The following REDIC1 variants were observed in gnomAD, a reference collection of about 807,000 sequenced individuals.
The protein encoded by REDIC1 is regulator of DNA class I crossover intermediates 1.
chr12:39,695,308 A>G, the REDIC1 span, among the ~76,000 whole-genome samples: 1 of 152,184 alleles, frequency 6.6e-6, no homozygotes, highest in East Asian at 1.9e-4. Flanking sequence ...GGGGTCCCCA[A>G]TTCCAGGACT....
chr12:39,683,306 G>A, the REDIC1 span: 6 of 1,094,590 alleles, frequency 5.5e-6, no homozygotes, highest in East Asian at 1.0e-4. Flanking sequence ...ATATAACATT[G>A]TGGACCAGTG....
At chr12:39,670,413 A>G in the REDIC1 span, among the ~76,000 whole-genome samples, 106 of 151,892 alleles carry the variant, frequency 7.0e-4, no homozygotes, top group Middle Eastern at 3.4e-3. Flanking sequence ...CTGGTCTTGA[A>G]CTCCTGACCT....
At chr12:39,864,435 G>A in the REDIC1 span, among the ~76,000 whole-genome samples, 2 of 152,172 alleles carry the variant, frequency 1.3e-5, no homozygotes, top group Non-Finnish European at 2.9e-5. Flanking sequence ...GAACACAGAG[G>A]TGACTGAATT....
chr12:39,693,522 C>T, the REDIC1 span, among the ~76,000 whole-genome samples: 1 of 151,462 alleles, frequency 6.6e-6, no homozygotes, highest in African/African-American at 2.4e-5. Context: ...TAGTTTCCAG[C>T]CTTTCTCATT....
At chr12:39,782,700 C>G in the REDIC1 span, among the ~76,000 whole-genome samples, 14 of 151,990 alleles carry the variant, frequency 9.2e-5, no homozygotes, top group Middle Eastern at 3.4e-3. Flanking sequence ...TTGGAGGGAT[C>G]AAAAGAAGAC....
chr12:39,811,808 C>T, the REDIC1 span, among the ~76,000 whole-genome samples: 1 of 152,096 alleles, frequency 6.6e-6, no homozygotes, highest in Non-Finnish European at 1.5e-5. Context: ...AGTGTTAGTA[C>T]AGTATGTCTG....
At chr12:39,626,348 C>T in the REDIC1 span, 7 of 1,614,046 alleles carry the variant, frequency 4.3e-6, no homozygotes, top group East Asian at 2.2e-5. Flanking sequence ...TGAATTGGGT[C>T]GGGGGGTCCC....
chr12:39,711,346 TA>T, the REDIC1 span, among the ~76,000 whole-genome samples: 1 of 147,740 alleles, frequency 6.8e-6, no homozygotes, highest in African/African-American at 2.5e-5. Flanking sequence ...TATATACATC[TA>T]TATGTATATA....
chr12:39,682,514 A>G, the REDIC1 span: 6 of 759,700 alleles, frequency 7.9e-6, no homozygotes, highest in South Asian at 1.4e-4. Flanking sequence ...AAATGTTAGT[A>G]GCAACTCAAT....
chr12:39,711,724 CATGCATGTGT>C, the REDIC1 span, among the ~76,000 whole-genome samples: 1 of 107,978 alleles, frequency 9.3e-6, no homozygotes, highest in Non-Finnish European at 1.9e-5. Flanking sequence ...TGTGTATGCA[CATGCATGTGT>C]GTATGTGTGT....
the REDIC1 span, among the ~76,000 whole-genome samples, chr12:39,792,583 C>T: frequency 6.6e-6 from 1 of 152,126 alleles, no homozygotes; most frequent in Non-Finnish European, 1.5e-5. Flanking sequence ...GGTGTGTATA[C>T]AGTCACCTTC....
the REDIC1 span, chr12:39,646,568 T>C: frequency 8.9e-7 from 1 of 1,123,120 alleles, no homozygotes; most frequent in South Asian, 1.9e-5. Flanking sequence ...CCCCAGTTTT[T>C]GTTTGTTTGG....
At chr12:39,896,465 T>TATATGTATATGTGTGTATATATGTAC in the REDIC1 span, among the ~76,000 whole-genome samples, 1 of 141,450 alleles carries the variant, frequency 7.1e-6, no homozygotes, top group Non-Finnish European at 1.5e-5. Context: ...TATATATGTA[T>TATATGTATATGTGTGTATATATGTAC]ACATATATGT....
chr12:39,646,705 T>C, the REDIC1 span: 1 of 584,618 alleles, frequency 1.7e-6, no homozygotes, highest in Non-Finnish European at 2.8e-6. Flanking sequence ...TAAAACTTAG[T>C]AATATTATGA....
the REDIC1 span, among the ~76,000 whole-genome samples, chr12:39,808,584 CCAACACT>C: frequency 0.016 from 2,370 of 152,248 alleles, 29 homozygotes; most frequent in South Asian, 0.04. Context: ...CACAACCTCA[CCAACACT>C]TGATATTTTG....
the REDIC1 span, chr12:39,646,853 A>G: frequency 6.3e-7 from 1 of 1,598,588 alleles, no homozygotes. Flanking sequence ...AAACTGTCAA[A>G]GACTAAGTAG....
At chr12:39,661,318 A>G in the REDIC1 span, among the ~76,000 whole-genome samples, 36 of 150,976 alleles carry the variant, frequency 2.4e-4, no homozygotes, top group African/African-American at 8.9e-4. Flanking sequence ...GCTGTTTGTT[A>G]TTTTTTTGTT....
At chr12:39,714,083 A>G in the REDIC1 span, among the ~76,000 whole-genome samples, 2 of 11,810 alleles carry the variant, frequency 1.7e-4, no homozygotes, top group African/African-American at 3.3e-4. Context: ...GTGTATATAC[A>G]CATATATGTA....
At chr12:39,799,419 C>A in the REDIC1 span, among the ~76,000 whole-genome samples, 6 of 149,586 alleles carry the variant, frequency 4.0e-5, no homozygotes, top group African/African-American at 1.5e-4. Flanking sequence ...CTGTTCTGTT[C>A]TTTAATCTCA....
Sources: allele counts gnomAD v4.1 joint callset (sites outside exome capture counted in the v4.1 genomes callset), GRCh38; gene constraint gnomAD v4.1.1; transcripts MANE v1.5; gene names NCBI Gene and HGNC (gene_info 2026-07-23, HGNC 2026-07-21).